KCNT2: variants seen among roughly 807,000 people sequenced by gnomAD.
KCNT2 encodes the protein potassium sodium-activated channel subfamily T member 2.
In KCNT2, 67 loss-of-function variants were observed where a neutral mutation model predicts 153.8. The ratio of observed to expected loss-of-function variants is 0.44; its 90% CI spans 0.36 to 0.53. KCNT2 has a LOEUF of 0.53. Among genes scored for constraint, KCNT2 ranks in the 20% least tolerant of loss-of-function variants. The pLI, the probability that KCNT2 is intolerant of heterozygous loss-of-function variation, is 0.00. For synonymous variants in KCNT2, 500 were observed against 458.8 expected, an observed-to-expected ratio of 1.09 and a Z score of -1.15; for missense variants, 975 against 1,354.8, an observed-to-expected ratio of 0.72 and a Z score of 4.40.
At chr1:196,329,113 T>C (rs1333857865) in intron 18 of KCNT2, among the ~76,000 whole-genome samples, 2 of 152,078 alleles carry the variant, frequency 1.3e-5, no homozygotes, top group Non-Finnish European at 2.9e-5. Flanking sequence ...GAATTTAGTG[T>C]TCATGAACAC....
intron 8 of KCNT2, among the ~76,000 whole-genome samples, chr1:196,438,186 A>C (rs1004391757): frequency 6.6e-6 from 1 of 151,818 alleles, no homozygotes; most frequent in Non-Finnish European, 1.5e-5. Context: ...ATAGCCCCAG[A>C]ATGAGAGAAA....
At chr1:196,577,025 A>G (rs1322843115) in intron 1 of KCNT2, among the ~76,000 whole-genome samples, 1 of 152,184 alleles carries the variant, frequency 6.6e-6, no homozygotes, top group Non-Finnish European at 1.5e-5. Flanking sequence ...AAAATTTCAA[A>G]GAAATTTTGT....
At chr1:196,522,679 A>C (rs930117622) in intron 1 of KCNT2, among the ~76,000 whole-genome samples, 1 of 152,210 alleles carries the variant, frequency 6.6e-6, no homozygotes, top group African/African-American at 2.4e-5. Context: ...CTCTGTGTCT[A>C]GCTAAAGGAT....
rs936760050 is a variant in KCNT2 at position 196,331,012 on chromosome 1, T to C, written c.2103+144A>G. 16 of 571,890 alleles carry C rather than the reference T, an allele frequency of 2.8e-5. No individual in the cohort carries two copies. The African/African-American group carries it at 2.9e-4, about 10-fold the overall frequency. 35.4% of individuals were successfully genotyped at this position (571,890 alleles called of 1,614,324 possible). On this transcript the variant is annotated intron_variant, in intron 18 of 27. Coordinates refer to ENST00000294725, the MANE Select transcript of KCNT2 (RefSeq NM_198503.5). Reference sequence around the variant, plus strand: ...AGTTAAAAATGTAAAACTGACCACTTTATATAAATTTACATTGGAAAAGAT... The same window carrying C: ...AGTTAAAAATGTAAAACTGACCACTCTATATAAATTTACATTGGAAAAGAT...
chr1:196,352,173 G>T (rs1572139501), intron 14 of KCNT2, among the ~76,000 whole-genome samples: 1 of 151,134 alleles, frequency 6.6e-6, no homozygotes, highest in Non-Finnish European at 1.5e-5. Flanking sequence ...TCTCTTTTTT[G>T]GTTGTGTCTC....
intron 1 of KCNT2, among the ~76,000 whole-genome samples, chr1:196,550,306 A>T (rs1657727271): frequency 6.6e-6 from 1 of 151,906 alleles, no homozygotes; most frequent in Non-Finnish European, 1.5e-5. Context: ...TGGCAAATTT[A>T]TTTGAAAAAT....
rs1376127065 is a variant in KCNT2 at position 196,319,502 on chromosome 1, A to G, written c.2330T>C (p.Met777Thr). Residue 777 changes from methionine (M) to threonine (T), a missense_variant, in exon 20 of 28, where the codon ATG becomes ACG. Coordinates refer to ENST00000294725, the MANE Select transcript of KCNT2 (RefSeq NM_198503.5). ...AICWFPMVYYMVGSIDNLDDL... is the reference protein window; with the variant it reads ...AICWFPMVYYTVGSIDNLDDL... ...CACCTACTTGTCAATAGAGCCCACCATGTAGTAAACCATTGGAAACCAACA... is the reference window on the plus strand; with the variant it reads ...CACCTACTTGTCAATAGAGCCCACCGTGTAGTAAACCATTGGAAACCAACA... 1.9e-6 allele frequency: 3 copies of G among 1,610,050 alleles called. No homozygotes were observed. The highest frequency in any genetic ancestry group is 2.5e-6 in the Non-Finnish European group (3 of 1,177,278).
chr1:196,260,395 T>G (rs1656898110), intron 25 of KCNT2, among the ~76,000 whole-genome samples: 1 of 151,878 alleles, frequency 6.6e-6, no homozygotes, highest in Admixed American at 6.6e-5. Context: ...TCAGGCATCA[T>G]GTAAAGTATA....
At chr1:196,241,771 CTAAT>C (rs1021593028) in intron 26 of KCNT2, among the ~76,000 whole-genome samples, 2 of 152,184 alleles carry the variant, frequency 1.3e-5, no homozygotes, top group Admixed American at 1.3e-4. Context: ...GCAAATAAAA[CTAAT>C]TACTTGATAC....
At chr1:196,279,874 A>T (rs1369639417) in intron 25 of KCNT2, among the ~76,000 whole-genome samples, 1 of 152,122 alleles carries the variant, frequency 6.6e-6, no homozygotes, top group Non-Finnish European at 1.5e-5. Flanking sequence ...CGTTATCTTT[A>T]TGCTTTCTAT....
chr1:196,390,649 T>C (rs1379953021), intron 13 of KCNT2, among the ~76,000 whole-genome samples: 1 of 151,114 alleles, frequency 6.6e-6, no homozygotes, highest in East Asian at 1.9e-4. Flanking sequence ...TAGTTAAAAT[T>C]TTATGCCTTT....
intron 1 of KCNT2, among the ~76,000 whole-genome samples, chr1:196,599,140 G>T (rs4658043): frequency 0.78 from 118,191 of 152,148 alleles, 49,427 homozygotes; most frequent in East Asian, 0.97. Flanking sequence ...TGATCCCTAG[G>T]GGACAGAGTA....
intron 12 of KCNT2, among the ~76,000 whole-genome samples, chr1:196,403,492 T>C (rs900035849): frequency 2.6e-5 from 4 of 151,674 alleles, no homozygotes; most frequent in Non-Finnish European, 5.9e-5. Flanking sequence ...CATGTCATAT[T>C]ACATTTATCA....
intron 1 of KCNT2, among the ~76,000 whole-genome samples, chr1:196,585,137 A>G (rs1662518559): frequency 6.6e-6 from 1 of 152,150 alleles, no homozygotes; most frequent in Non-Finnish European, 1.5e-5. Flanking sequence ...TATTTAAAAA[A>G]TGACAACTCA....
chr1:196,298,066 A>G (rs1382601607), intron 22 of KCNT2, among the ~76,000 whole-genome samples: 1 of 152,200 alleles, frequency 6.6e-6, no homozygotes, highest in Non-Finnish European at 1.5e-5. Context: ...CTCCCAGAAG[A>G]TATCTCCAAT....
At chr1:196,439,298 T>C (rs1014401306) in intron 8 of KCNT2, among the ~76,000 whole-genome samples, 1 of 151,960 alleles carries the variant, frequency 6.6e-6, no homozygotes, top group Admixed American at 6.6e-5. Context: ...GTGTTTAAAT[T>C]ATGAATACTA....
chr1:196,417,117 C>A (rs1170239319), intron 12 of KCNT2, among the ~76,000 whole-genome samples: 1 of 152,042 alleles, frequency 6.6e-6, no homozygotes, highest in Non-Finnish European at 1.5e-5. Context: ...CAGAGGTCAG[C>A]AAACTATGAG....
chr1:196,260,773 AAT>A (rs1656940848), intron 25 of KCNT2, among the ~76,000 whole-genome samples: 1 of 151,844 alleles, frequency 6.6e-6, no homozygotes, highest in Non-Finnish European at 1.5e-5. Context: ...TTCTGTTTTG[AAT>A]GTTTCCTAAC....
At position 196,596,121 on chromosome 1, in the gene KCNT2, T is replaced by G. The variant is rs113976525; in HGVS notation, c.95+12094A>C. 3.3e-3 allele frequency among the ~76,000 whole-genome samples: 495 copies of G among 148,834 alleles called. 7 individuals are homozygous for G. Among genetic ancestry groups the G allele is most frequent in the African/African-American group, 0.012 (470 of 38,622 alleles). On this transcript the variant is annotated intron_variant, in intron 1 of 27. Transcript: ENST00000294725. The stretch of plus-strand genomic sequence containing the variant: ...ATATATCACATTTTCTTTATCCAGT[T>G]GTTGGTTGATGGGCACTTAGGTCAG...
Sources: allele counts gnomAD v4.1 joint callset (sites outside exome capture counted in the v4.1 genomes callset), GRCh38; gene constraint gnomAD v4.1.1; transcripts MANE v1.5; gene names NCBI Gene and HGNC (gene_info 2026-07-23, HGNC 2026-07-21).